The following CALCRL variants were observed in gnomAD, a reference collection of about 807,000 sequenced individuals.
CALCRL encodes calcitonin receptor like receptor.
In CALCRL, 27 loss-of-function variants were observed where a neutral mutation model predicts 60.4. That is an observed-to-expected ratio of 0.45 (90% CI 0.33 to 0.62). The LOEUF (loss-of-function observed/expected upper bound fraction) is 0.62, where lower values mean the gene tolerates loss of function less well. Among genes scored for constraint, CALCRL ranks in the 20% least tolerant of loss-of-function variants. The pLI, the probability that CALCRL is intolerant of heterozygous loss-of-function variation, is 0.03. For synonymous variants in CALCRL, 190 were observed against 182.6 expected, an observed-to-expected ratio of 1.04 and a Z score of -0.33; for missense variants, 424 against 540.7, an observed-to-expected ratio of 0.78 and a Z score of 2.14.
At chr2:187,361,059 A>C (rs1009822651) in intron 9 of CALCRL, among the ~76,000 whole-genome samples, 5 of 152,086 alleles carry the variant, frequency 3.3e-5, no homozygotes, top group African/African-American at 1.2e-4. Flanking sequence ...TAAGTATAAA[A>C]GTGTCACACA....
chr2:187,371,428 A>G (rs1360484758), intron 8 of CALCRL, among the ~76,000 whole-genome samples: 2 of 152,022 alleles, frequency 1.3e-5, no homozygotes, highest in Non-Finnish European at 2.9e-5. Flanking sequence ...GGAATACTAG[A>G]TGACTACTTT....
chr2:187,419,023 A>ATTTTT (rs33929530), intron 1 of CALCRL, among the ~76,000 whole-genome samples: 6 of 85,992 alleles, frequency 7.0e-5, no homozygotes, highest in African/African-American at 1.4e-4. Flanking sequence ...CGTCTGGCTA[A>ATTTTT]TTTTTTTTTT....
At chr2:187,362,585 C>CACACAA (rs1463412936) in intron 9 of CALCRL, among the ~76,000 whole-genome samples, 2 of 151,698 alleles carry the variant, frequency 1.3e-5, no homozygotes, top group Non-Finnish European at 2.9e-5. Flanking sequence ...GACACACACA[C>CACACAA]ACACAAAATA....
chr2:187,351,982 G>C (rs912659210), intron 13 of CALCRL, 21 bp from the exon 14 acceptor site: 43 of 1,592,132 alleles, frequency 2.7e-5, no homozygotes, highest in Non-Finnish European at 3.3e-5. Context: ...AAAATAGAAT[G>C]ATCTGAATCC....
intron 1 of CALCRL, among the ~76,000 whole-genome samples, chr2:187,422,969 T>A (rs1689949145): frequency 6.6e-6 from 1 of 152,020 alleles, no homozygotes; most frequent in Admixed American, 6.6e-5. Context: ...TATAGGGATT[T>A]TGAAAGCTCT....
chr2:187,361,728 A>G (rs538845595), intron 9 of CALCRL, among the ~76,000 whole-genome samples: 4 of 152,060 alleles, frequency 2.6e-5, no homozygotes, highest in Admixed American at 1.3e-4. Flanking sequence ...CATATATTTT[A>G]TAGATAAAAA....
rs1420167468 is a variant in CALCRL at position 187,448,165 on chromosome 2, C to G, written c.-419G>C. 1 of 152,022 alleles carries G rather than the reference C, an allele frequency of 6.6e-6. No homozygotes were observed. Among genetic ancestry groups the G allele is most frequent in the African/African-American group, 2.4e-5 (1 of 41,406 alleles). The allele number at this position is 152,022 out of a possible 1,614,324, so 9.4% of individuals were successfully genotyped here. On this transcript the variant is annotated 5_prime_UTR_variant, in exon 1 of 15. Coordinates refer to ENST00000392370, the MANE Select transcript of CALCRL (RefSeq NM_005795.6). ...AGAGTGAAAGCTTTGCAATGTGATCCTGCAATTAGGATGAGATTCAGTTAG... is the reference window on the plus strand; with the variant it reads ...AGAGTGAAAGCTTTGCAATGTGATCGTGCAATTAGGATGAGATTCAGTTAG...
At chr2:187,399,130 G>A (rs563482167) in intron 1 of CALCRL, among the ~76,000 whole-genome samples, 31 of 151,526 alleles carry the variant, frequency 2.0e-4, no homozygotes, top group Middle Eastern at 3.4e-3. Flanking sequence ...AAAATGAGAT[G>A]GCTTCAAGCA....
intron 1 of CALCRL, among the ~76,000 whole-genome samples, chr2:187,412,526 C>G (rs2105851260): frequency 6.6e-6 from 1 of 152,294 alleles, no homozygotes; most frequent in South Asian, 2.1e-4. Context: ...AATTCTAACT[C>G]TTTCTGGTTT....
In CALCRL at chr2:187,355,343, C is replaced by T. The variant is rs143820800; in HGVS notation, c.910-3011G>A. Among the ~76,000 whole-genome samples, 1,081 of 152,198 alleles carry T rather than the reference C, an allele frequency of 7.1e-3. 7 individuals carry two copies. Among genetic ancestry groups the T allele is most frequent in the African/African-American group, 7.4e-3 (309 of 41,568 alleles). On this transcript the variant is annotated intron_variant, in intron 12 of 14. Coordinates refer to ENST00000392370, the MANE Select transcript of CALCRL (RefSeq NM_005795.6). ...TACAACTTAAACACAGTATGTCACT[C>T]ATGCCCTTAGAATGTAGGAGAAGGA...
chr2:187,423,981 A>G (rs963243307), intron 1 of CALCRL, among the ~76,000 whole-genome samples: 29 of 152,066 alleles, frequency 1.9e-4, no homozygotes, highest in African/African-American at 6.8e-4. Context: ...GATATGCCCA[A>G]TGAGGTAGTT....
intron 1 of CALCRL, among the ~76,000 whole-genome samples, chr2:187,388,843 A>G (rs542952368): frequency 6.6e-6 from 1 of 152,036 alleles, no homozygotes; most frequent in African/African-American, 2.4e-5. Flanking sequence ...TTTTGTATTC[A>G]TGGTTTTATA....
At chr2:187,354,992 C>T (rs1357060008) in intron 12 of CALCRL, among the ~76,000 whole-genome samples, 2 of 151,998 alleles carry the variant, frequency 1.3e-5, no homozygotes, top group Non-Finnish European at 2.9e-5. Flanking sequence ...TTTCTTCAAG[C>T]TCTCCTCAGA....
intron 1 of CALCRL, among the ~76,000 whole-genome samples, chr2:187,405,091 A>G (rs1425473436): frequency 6.6e-6 from 1 of 151,932 alleles, no homozygotes; most frequent in African/African-American, 2.4e-5. Flanking sequence ...TACATGTCTC[A>G]TAAGTATATT....
At chr2:187,390,225 A>G (rs890889782) in intron 1 of CALCRL, among the ~76,000 whole-genome samples, 1 of 152,144 alleles carries the variant, frequency 6.6e-6, no homozygotes, top group Non-Finnish European at 1.5e-5. Context: ...TGCATTTGGA[A>G]GACATAAAGG....
chr2:187,397,481 A>C (rs140350597), intron 1 of CALCRL, among the ~76,000 whole-genome samples: 103 of 151,832 alleles, frequency 6.8e-4, no homozygotes, highest in African/African-American at 2.3e-3. Flanking sequence ...TTCTTAAAGA[A>C]TATAATGCTA....
chr2:187,369,962 C>CT (rs1015158502), intron 8 of CALCRL, among the ~76,000 whole-genome samples: 2 of 152,178 alleles, frequency 1.3e-5, no homozygotes, highest in East Asian at 1.9e-4. Flanking sequence ...TCCACCATGG[C>CT]TTTTTTTCCA....
chr2:187,391,764 T>G (rs1688456869), intron 1 of CALCRL, among the ~76,000 whole-genome samples: 1 of 152,030 alleles, frequency 6.6e-6, no homozygotes, highest in Non-Finnish European at 1.5e-5. Flanking sequence ...ATCTTCAATA[T>G]TAAAATAAAA....
At chr2:187,419,310 ATGAC>A (rs1408623500) in intron 1 of CALCRL, among the ~76,000 whole-genome samples, 27 of 152,132 alleles carry the variant, frequency 1.8e-4, no homozygotes, top group Non-Finnish European at 5.9e-5. Context: ...CTAATCTAAT[ATGAC>A]TGATGTCTTC....
Sources: gnomAD v4.1 joint callset for allele counts (sites outside exome capture counted in the v4.1 genomes callset) on GRCh38, gnomAD v4.1.1 for gene constraint, MANE v1.5 for transcripts, NCBI Gene and HGNC (gene_info 2026-07-23, HGNC 2026-07-21) for gene names.